Variants in CDH18 observed in about 807,000 individuals in gnomAD.
The protein encoded by CDH18 is cadherin-18.
A neutral mutation model predicts 67.9 loss-of-function variants in CDH18; 31 were observed. The ratio of observed to expected loss-of-function variants is 0.46; its 90% CI spans 0.34 to 0.62. The LOEUF is 0.62. Ranked by LOEUF, CDH18 falls within the 20% of genes least tolerant of loss-of-function variation. The probability of loss-of-function intolerance (pLI) is 0.01; values close to 1 mark genes in which losing one functional copy is unlikely to be tolerated. For synonymous variants in CDH18, 362 were observed against 347.2 expected (o/e 1.04, Z -0.48); for missense variants, 890 against 975.5 (o/e 0.91, Z 1.17).
chr5:19,786,013 G>A (rs764753070), intron 3 of CDH18, among the ~76,000 whole-genome samples: 2 of 151,820 alleles, frequency 1.3e-5, no homozygotes, highest in Admixed American at 6.6e-5. Flanking sequence ...GAAGCAGCAG[G>A]AGGATTACAG....
intron 2 of CDH18, among the ~76,000 whole-genome samples, chr5:19,968,535 G>A (rs551321362): frequency 4.6e-5 from 7 of 151,550 alleles, no homozygotes; most frequent in East Asian, 1.9e-4. Context: ...CAGAAATAAC[G>A]CCACATATCT....
chr5:20,009,764 T>A (rs79888484), intron 2 of CDH18, among the ~76,000 whole-genome samples: 1 of 152,088 alleles, frequency 6.6e-6, no homozygotes, highest in African/African-American at 2.4e-5. Context: ...AATGTGGTAA[T>A]ATTTGTCCAA....
chr5:20,039,346 C>T (rs1740195599), intron 2 of CDH18, among the ~76,000 whole-genome samples: 2 of 152,036 alleles, frequency 1.3e-5, no homozygotes, highest in South Asian at 2.1e-4. Flanking sequence ...AAAAAAACTA[C>T]TTTAAATTTC....
chr5:19,649,024 A>G (rs745486324), intron 5 of CDH18, among the ~76,000 whole-genome samples: 1 of 152,110 alleles, frequency 6.6e-6, no homozygotes, highest in Non-Finnish European at 1.5e-5. Context: ...TGTAACTCAC[A>G]ATTTTCTTAA....
intron 1 of CDH18, among the ~76,000 whole-genome samples, chr5:20,280,656 C>T (rs1161190770): frequency 6.6e-6 from 1 of 152,128 alleles, no homozygotes; most frequent in Non-Finnish European, 1.5e-5. Flanking sequence ...TGAATAGTGC[C>T]ACAATAAACA....
chr5:20,189,383 A>C (rs1306391560), intron 2 of CDH18, among the ~76,000 whole-genome samples: 2 of 152,184 alleles, frequency 1.3e-5, no homozygotes, highest in Non-Finnish European at 2.9e-5. Flanking sequence ...TCTATCATGC[A>C]TTTCCCCTAG....
In CDH18 at chr5:20,537,813, G is replaced by T. The variant is rs764440277; in HGVS notation, c.-580+37649C>A. Among the ~76,000 whole-genome samples the T allele has an allele frequency of 1.4e-3, 212 of 152,206 alleles. 1 individual carries two copies. The highest frequency in any genetic ancestry group is 2.3e-3 in the South Asian group (11 of 4,824). Reference sequence around the variant, plus strand: ...ATATTTGTATAAAATTTCTATCTTTGGGAAATGTACTTTGTCGTCCTCTGT... The same window carrying T: ...ATATTTGTATAAAATTTCTATCTTTTGGAAATGTACTTTGTCGTCCTCTGT... On this transcript the variant is annotated intron_variant, in intron 1 of 14. Transcript: ENST00000507958.
chr5:19,513,225 A>T (rs1026517359), intron 10 of CDH18, among the ~76,000 whole-genome samples: 19 of 152,102 alleles, frequency 1.2e-4, no homozygotes, highest in Non-Finnish European at 1.9e-4. Flanking sequence ...CTCCCACTTA[A>T]GACTCCCAAG....
intron 2 of CDH18, among the ~76,000 whole-genome samples, chr5:19,901,596 T>C (rs1289889597): frequency 1.3e-5 from 2 of 152,096 alleles, no homozygotes; most frequent in Admixed American, 6.6e-5. Flanking sequence ...ATCTTAGAAA[T>C]ATATTTAATA....
chr5:20,303,201 A>T (rs1422921253), intron 1 of CDH18, among the ~76,000 whole-genome samples: 8 of 152,074 alleles, frequency 5.3e-5, no homozygotes, highest in African/African-American at 1.7e-4. Flanking sequence ...AATGTCTATG[A>T]GCATCTTCTT....
At chr5:19,921,345 C>G (rs1175578875) in intron 2 of CDH18, among the ~76,000 whole-genome samples, 1 of 152,074 alleles carries the variant, frequency 6.6e-6, no homozygotes, top group Non-Finnish European at 1.5e-5. Flanking sequence ...TCCTGGCTAA[C>G]ACAGTGAAAC....
At chr5:20,118,168 T>C (rs1480935455) in intron 2 of CDH18, among the ~76,000 whole-genome samples, 7 of 152,160 alleles carry the variant, frequency 4.6e-5, no homozygotes, top group Non-Finnish European at 1.0e-4. Flanking sequence ...AATAGAGTTA[T>C]AGAAAACTTT....
intron 2 of CDH18, among the ~76,000 whole-genome samples, chr5:20,156,859 T>G (rs183950804): frequency 1.3e-5 from 2 of 152,206 alleles, no homozygotes; most frequent in Non-Finnish European, 2.9e-5. Context: ...GGATGGAATA[T>G]GTAGAAAAAT....
chr5:20,446,514 A>T (rs1750015509), intron 1 of CDH18, among the ~76,000 whole-genome samples: 1 of 152,174 alleles, frequency 6.6e-6, no homozygotes, highest in Non-Finnish European at 1.5e-5. Flanking sequence ...AGTCACCAAG[A>T]AAAGGTGCAT....
chr5:19,761,286 A>G (rs1772310020), intron 3 of CDH18, among the ~76,000 whole-genome samples: 1 of 152,186 alleles, frequency 6.6e-6, no homozygotes, highest in Non-Finnish European at 1.5e-5. Flanking sequence ...CTCTCAGTTC[A>G]TAATTTTCTT....
At chr5:20,276,633 A>T (rs1561932409) in intron 1 of CDH18, among the ~76,000 whole-genome samples, 2 of 152,176 alleles carry the variant, frequency 1.3e-5, no homozygotes, top group Non-Finnish European at 2.9e-5. Flanking sequence ...TGAGAAAAGG[A>T]GAGGAAAGAG....
chr5:20,128,386 G>T (rs2126459892), intron 2 of CDH18, among the ~76,000 whole-genome samples: 1 of 152,134 alleles, frequency 6.6e-6, no homozygotes, highest in East Asian at 1.9e-4. Context: ...AAATATACAT[G>T]GTGGAAATTT....
chr5:19,966,397 T>C (rs1422842018), intron 2 of CDH18, among the ~76,000 whole-genome samples: 2 of 152,126 alleles, frequency 1.3e-5, no homozygotes, highest in Admixed American at 1.3e-4. Flanking sequence ...CTCATAAATC[T>C]GGATAAGAAA....
At chr5:19,612,956 T>C (rs909449145) in intron 5 of CDH18, among the ~76,000 whole-genome samples, 2 of 151,578 alleles carry the variant, frequency 1.3e-5, no homozygotes, top group Admixed American at 6.6e-5. Flanking sequence ...TTGACCAGTA[T>C]GGTGAAACCC....
Sources: gnomAD v4.1 joint callset for allele counts (sites outside exome capture counted in the v4.1 genomes callset) on GRCh38, gnomAD v4.1.1 for gene constraint, MANE v1.5 for transcripts, NCBI Gene and HGNC (gene_info 2026-07-23, HGNC 2026-07-21) for gene names.